The following AGTPBP1 variants were observed in gnomAD, a reference collection of about 807,000 sequenced individuals.
AGTPBP1 encodes the protein ATP/GTP binding carboxypeptidase 1.
AGTPBP1 carries 70 observed loss-of-function variants against 143.9 expected under a neutral mutation model. The ratio of observed to expected loss-of-function variants is 0.49; its 90% CI spans 0.40 to 0.59. The LOEUF (loss-of-function observed/expected upper bound fraction) is 0.59, where lower values mean the gene tolerates loss of function less well. AGTPBP1 is among the 20% of genes least tolerant of loss of function. AGTPBP1 has a pLI of 0.00. For missense variants in AGTPBP1, 1,229 were observed against 1,464.5 expected (o/e 0.84, Z 2.62); for synonymous variants, 463 against 500.2 (o/e 0.93, Z 0.99).
At chr9:85,634,193 CAAAA>C (rs112565067) in intron 13 of AGTPBP1, among the ~76,000 whole-genome samples, 307 of 56,306 alleles carry the variant, frequency 5.5e-3, no homozygotes, top group African/African-American at 0.016. Flanking sequence ...GACTCTCTCT[CAAAA>C]AAAAAAAAAA....
the AGTPBP1 span, among the ~76,000 whole-genome samples, chr9:85,778,243 T>C: frequency 2.0e-5 from 3 of 152,194 alleles, no homozygotes; most frequent in African/African-American, 4.8e-5. Context: ...ACCCAGTTCA[T>C]GATAGGCAGT....
In AGTPBP1 at chr9:85,566,529, C is replaced by CAAAAAAAAAA. The variant is rs72129899; in HGVS notation, c.3503+8776_3503+8785dup. 3.2e-3 allele frequency among the ~76,000 whole-genome samples: 249 copies of CAAAAAAAAAA among 78,516 alleles called. 18 individuals carry two copies. The highest frequency in any genetic ancestry group is 0.014 in the African/African-American group (240 of 17,254). 51.5% of individuals were successfully genotyped at this position (78,516 alleles called of 152,430 possible). A position where few individuals can be genotyped will look rare whatever the true frequency, so the allele number is the denominator to read the frequency against. ...TGGGCAACAGATCAAGACCATGTCT[C>CAAAAAAAAAA]AAAAAAAAAAAAAAAAAAAAGGCTG... On this transcript the variant is annotated intron_variant, in intron 25 of 25. Transcript: ENST00000357081.
chr9:85,597,434 G>A (rs367634847), intron 17 of AGTPBP1, among the ~76,000 whole-genome samples: 13 of 151,866 alleles, frequency 8.6e-5, no homozygotes, highest in Admixed American at 3.3e-4. Flanking sequence ...AAATTATGCC[G>A]AATATAGTGG....
chr9:85,658,373 T>C (rs995977828), intron 9 of AGTPBP1, among the ~76,000 whole-genome samples: 28 of 152,256 alleles, frequency 1.8e-4, no homozygotes, highest in Admixed American at 1.7e-3. Flanking sequence ...AATAAATCCA[T>C]GTTTGACCTA....
chr9:85,659,004 C>A (rs534523908), intron 9 of AGTPBP1, among the ~76,000 whole-genome samples: 96 of 152,194 alleles, frequency 6.3e-4, no homozygotes, highest in Non-Finnish European at 1.2e-3. Flanking sequence ...TTGTTAAAAG[C>A]CATTATGATC....
chr9:85,677,315 T>G, intron 6 of AGTPBP1, 121 bp downstream of exon 6: 1 of 862,032 alleles, frequency 1.2e-6, no homozygotes. Context: ...GTACAATTAT[T>G]GTGTATCCAT....
intron 1 of AGTPBP1, among the ~76,000 whole-genome samples, chr9:85,726,762 G>C (rs1187667309): frequency 6.6e-6 from 1 of 151,992 alleles, no homozygotes; most frequent in South Asian, 2.1e-4. Flanking sequence ...AAATATACTG[G>C]AATCTCAAAA....
At chr9:85,661,931 G>A (rs1454570260) in intron 8 of AGTPBP1, among the ~76,000 whole-genome samples, 1 of 152,064 alleles carries the variant, frequency 6.6e-6, no homozygotes, top group Non-Finnish European at 1.5e-5. Context: ...GATAACCACA[G>A]TAGCAAGTTC....
chr9:85,579,335 A>G (rs999614294), intron 23 of AGTPBP1, among the ~76,000 whole-genome samples: 4 of 152,212 alleles, frequency 2.6e-5, no homozygotes, highest in Non-Finnish European at 5.9e-5. Flanking sequence ...TATTCACGGT[A>G]TAACCAATAA....
At chr9:85,719,612 G>A (rs902344398) in intron 1 of AGTPBP1, among the ~76,000 whole-genome samples, 2 of 152,126 alleles carry the variant, frequency 1.3e-5, no homozygotes, top group Admixed American at 1.3e-4. Flanking sequence ...GCAAACAGGG[G>A]CAATTTGACT....
intron 11 of AGTPBP1, among the ~76,000 whole-genome samples, chr9:85,649,489 A>G (rs887536025): frequency 3.3e-5 from 5 of 151,930 alleles, no homozygotes; most frequent in African/African-American, 1.2e-4. Context: ...ATTTGCTTGG[A>G]TTTTCTATAT....
intron 1 of AGTPBP1, among the ~76,000 whole-genome samples, chr9:85,724,053 G>A (rs1202449427): frequency 6.6e-6 from 1 of 152,064 alleles, no homozygotes; most frequent in East Asian, 1.9e-4. Context: ...TTGGGAGGCC[G>A]AGGAAGGTGG....
At chr9:85,648,112 A>G (rs1307981999) in intron 11 of AGTPBP1, among the ~76,000 whole-genome samples, 2 of 152,228 alleles carry the variant, frequency 1.3e-5, no homozygotes, top group Non-Finnish European at 2.9e-5. Flanking sequence ...TCCCGAACTT[A>G]CTAGCTATTT....
chr9:85,657,678 T>C, intron 9 of AGTPBP1, 35 bp from the exon 10 acceptor site: 1 of 1,516,258 alleles, frequency 6.6e-7, no homozygotes, highest in Non-Finnish European at 9.0e-7. Flanking sequence ...GAATATTTTT[T>C]AAATGACGAG....
At chr9:85,592,527 T>C (rs747158837) in intron 19 of AGTPBP1, 33 bp downstream of exon 19, 1 of 1,462,702 alleles carries the variant, frequency 6.8e-7, no homozygotes, top group Non-Finnish European at 9.3e-7. Context: ...CTTATACATA[T>C]CCATATAATA....
intron 2 of AGTPBP1, among the ~76,000 whole-genome samples, chr9:85,695,835 C>A (rs894286703): frequency 6.6e-6 from 1 of 150,856 alleles, no homozygotes; most frequent in Middle Eastern, 3.2e-3. Flanking sequence ...ATTTTCTTTC[C>A]TTTTCTTTTA....
chr9:85,650,779 G>A (rs569667141), intron 11 of AGTPBP1, among the ~76,000 whole-genome samples: 1 of 152,214 alleles, frequency 6.6e-6, no homozygotes, highest in South Asian at 2.1e-4. Flanking sequence ...CACCAACACT[G>A]TTTCTACCAA....
chr9:85,579,150 T>A, intron 23 of AGTPBP1, 54 bp from the exon 24 acceptor site: 1 of 1,509,910 alleles, frequency 6.6e-7, no homozygotes, highest in Non-Finnish European at 8.8e-7. Context: ...TAATTTTAAA[T>A]GTTTTTAATT....
intron 14 of AGTPBP1, among the ~76,000 whole-genome samples, chr9:85,632,396 T>C (rs1450652524): frequency 6.6e-6 from 1 of 152,204 alleles, no homozygotes; most frequent in African/African-American, 2.4e-5. Flanking sequence ...TATTTTGAGA[T>C]TCAGTATTAA....
Sources: gnomAD v4.1 joint callset for allele counts (sites outside exome capture counted in the v4.1 genomes callset) on GRCh38, gnomAD v4.1.1 for gene constraint, MANE v1.5 for transcripts, NCBI Gene and HGNC (gene_info 2026-07-23, HGNC 2026-07-21) for gene names.